CLIC5: variants seen among roughly 807,000 people sequenced by gnomAD.
CLIC5 encodes chloride intracellular channel protein 5.
CLIC5 carries 20 observed loss-of-function variants against 24.7 expected under a neutral mutation model. That is an observed-to-expected ratio of 0.81 (90% CI 0.57 to 1.18). CLIC5 has a LOEUF of 1.18. Among genes scored for constraint, CLIC5 ranks in the 50% most tolerant of loss-of-function variants. The pLI is 0.00. For synonymous variants in CLIC5, 159 were observed against 135.6 expected, an observed-to-expected ratio of 1.17 and a Z score of -1.20; for missense variants, 341 against 326.1, an observed-to-expected ratio of 1.05 and a Z score of -0.35.
In CLIC5 at chr6:45,900,208, C is replaced by T. The variant is rs1028661335; in HGVS notation, c.*2880G>A. On this transcript the variant is annotated 3_prime_UTR_variant, in exon 6 of 6. Transcript: ENST00000339561. Reference sequence around the variant, plus strand: ...GCCTTCGTCTCCCACTACCCTGCTTCCCCCACCCCCAATAGTGCTGTGCAA... The same window carrying T: ...GCCTTCGTCTCCCACTACCCTGCTTTCCCCACCCCCAATAGTGCTGTGCAA... 6.6e-6 allele frequency: 1 copy of T among 152,136 alleles called. No individual in the cohort carries two copies. Among genetic ancestry groups the T allele is most frequent in the Non-Finnish European group, 1.5e-5 (1 of 68,038 alleles). The allele number at this position is 152,136 out of a possible 1,614,324, so 9.4% of individuals were successfully genotyped here.
intron 1 of CLIC5, among the ~76,000 whole-genome samples, chr6:45,992,118 AG>A (rs1188535521): frequency 3.3e-5 from 5 of 152,194 alleles, no homozygotes; most frequent in African/African-American, 1.2e-4. Context: ...CCCCACTCTC[AG>A]GCCATTCTAA....
chr6:46,109,564 A>G, the CLIC5 span, among the ~76,000 whole-genome samples: 2 of 141,992 alleles, frequency 1.4e-5, no homozygotes, highest in African/African-American at 5.2e-5. Flanking sequence ...TGCGTTCATG[A>G]GGATTGCTAA....
At chr6:45,940,252 A>G (rs1764084267) in intron 4 of CLIC5, among the ~76,000 whole-genome samples, 1 of 152,208 alleles carries the variant, frequency 6.6e-6, no homozygotes, top group Non-Finnish European at 1.5e-5. Context: ...AATACCTTCG[A>G]CAGAAATTAT....
At chr6:45,893,317 G>A (rs1762368785) in intron 6 of CLIC5, among the ~76,000 whole-genome samples, 1 of 151,816 alleles carries the variant, frequency 6.6e-6, no homozygotes, top group Non-Finnish European at 1.5e-5. Flanking sequence ...GAATGTGGGT[G>A]CAAGAAGAAA....
chr6:45,915,876 G>A (rs1421942008), intron 4 of CLIC5, among the ~76,000 whole-genome samples: 1 of 152,084 alleles, frequency 6.6e-6, no homozygotes, highest in African/African-American at 2.4e-5. Context: ...GGCTGACCAG[G>A]GCATCAGTCA....
At chr6:45,943,066 C>T (rs1217050948) in intron 3 of CLIC5, among the ~76,000 whole-genome samples, 4 of 152,254 alleles carry the variant, frequency 2.6e-5, no homozygotes, top group South Asian at 2.1e-4. Flanking sequence ...TCCCTTTACA[C>T]GTATTCACCA....
At chr6:46,101,984 TG>T in the CLIC5 span, among the ~76,000 whole-genome samples, 1 of 140,188 alleles carries the variant, frequency 7.1e-6, no homozygotes, top group Non-Finnish European at 1.5e-5. Context: ...GTGTGTGTGT[TG>T]GGGGTGGGGG....
chr6:45,908,900 G>A (rs1762734654), intron 5 of CLIC5, among the ~76,000 whole-genome samples: 1 of 152,098 alleles, frequency 6.6e-6, no homozygotes, highest in Non-Finnish European at 1.5e-5. Flanking sequence ...ATTGTGTGTT[G>A]TTGCTAAGTC....
chr6:45,950,139 G>A (rs555306969), intron 2 of CLIC5, among the ~76,000 whole-genome samples: 4 of 152,300 alleles, frequency 2.6e-5, no homozygotes, highest in Admixed American at 6.5e-5. Flanking sequence ...ACCTCCTACT[G>A]GTGAGTAAGA....
chr6:46,110,084 A>T, the CLIC5 span, among the ~76,000 whole-genome samples: 1 of 152,138 alleles, frequency 6.6e-6, no homozygotes, highest in Non-Finnish European at 1.5e-5. Flanking sequence ...CTCTCCCAGG[A>T]TCGACTGTAT....
rs16874133 is a variant in CLIC5, at chr6:46,033,875, G to C, written c.540+45828C>G. ...ACATTTGACTCTTAAATGACATCTA[G>C]AGACTGGTTTTAAGAGTAAGCAGAG... On this transcript the variant is annotated intron_variant, in intron 1 of 5. Transcript: ENST00000185206. Among the ~76,000 whole-genome samples, 1,222 of 152,212 alleles carry C rather than the reference G, an allele frequency of 8.0e-3. 18 individuals are homozygous for C. Among genetic ancestry groups the C allele is most frequent in the African/African-American group, 0.028 (1,153 of 41,522 alleles).
Position 45,935,315 on chromosome 6 carries a change from C to T in CLIC5, c.406+6232G>A, listed in dbSNP as rs1341724879. ...GGCGGGGAGGGGTGTTTCACAGCGA[C>T]GCTTGCTAGAGGTGGAGGCACTGGC... On this transcript the variant is annotated intron_variant, in intron 4 of 5. Coordinates refer to ENST00000339561, the MANE Select transcript of CLIC5 (RefSeq NM_016929.5). 7.9e-5 allele frequency among the ~76,000 whole-genome samples: 12 copies of T among 152,276 alleles called. No homozygotes were observed. The South Asian group carries it at 1.0e-3, about 13-fold the overall frequency.
At chr6:45,970,219 A>G (rs1561973132) in intron 1 of CLIC5, among the ~76,000 whole-genome samples, 1 of 152,182 alleles carries the variant, frequency 6.6e-6, no homozygotes, top group Non-Finnish European at 1.5e-5. Context: ...CTGAGCCCCT[A>G]TAGAACTTAC....
chr6:46,025,429 T>A (rs1198741678), intron 1 of CLIC5, among the ~76,000 whole-genome samples: 1 of 152,176 alleles, frequency 6.6e-6, no homozygotes, highest in Non-Finnish European at 1.5e-5. Context: ...GAAGCTGATA[T>A]ATACAAATTA....
chr6:45,974,518 T>TAC, intron 1 of CLIC5, among the ~76,000 whole-genome samples: 2 of 84,138 alleles, frequency 2.4e-5, no homozygotes, highest in South Asian at 5.7e-4. Context: ...TATATATATA[T>TAC]ATATAGAGAG....
At chr6:46,052,346 G>T in intron 1 of CLIC5, among the ~76,000 whole-genome samples, 1 of 152,190 alleles carries the variant, frequency 6.6e-6, no homozygotes, top group East Asian at 1.9e-4. Context: ...ACTGTCTGCA[G>T]ATTATCCTGA....
chr6:46,073,623 C>G (rs1762681851), intron 1 of CLIC5, among the ~76,000 whole-genome samples: 1 of 152,224 alleles, frequency 6.6e-6, no homozygotes, highest in Non-Finnish European at 1.5e-5. Flanking sequence ...GTATCCTCCT[C>G]AGAACATTCT....
intron 1 of CLIC5, among the ~76,000 whole-genome samples, chr6:46,003,566 A>C (rs1766436691): frequency 6.6e-6 from 1 of 152,188 alleles, no homozygotes; most frequent in Non-Finnish European, 1.5e-5. Flanking sequence ...ACCTGAGAGC[A>C]GTAGAAGACC....
rs1762399793 is a variant in CLIC5 at position 46,064,917 on chromosome 6, T to C, written c.540+14786A>G. ...CACACAAAAAACACAAACCATAGCA[T>C]TAAAGAATTGATAAATGGGTTTCAC... On this transcript the variant is annotated intron_variant, in intron 1 of 5. Coordinates refer to the CLIC5 transcript ENST00000185206. 3.3e-5 allele frequency among the ~76,000 whole-genome samples: 5 copies of C among 151,744 alleles called. No homozygotes were observed. The South Asian group carries it at 1.0e-3, about 32-fold the overall frequency.
Sources: gnomAD v4.1 joint callset for allele counts (sites outside exome capture counted in the v4.1 genomes callset) on GRCh38, gnomAD v4.1.1 for gene constraint, MANE v1.5 for transcripts, NCBI Gene and HGNC (gene_info 2026-07-23, HGNC 2026-07-21) for gene names.